The following FBXO10 variants were observed in gnomAD, a reference collection of about 807,000 sequenced individuals.
FBXO10 encodes F-box only protein 10.
FBXO10 carries 39 observed loss-of-function variants against 80.7 expected under a neutral mutation model. The observed-to-expected ratio is 0.48, with a 90% confidence interval of 0.37 to 0.63. The LOEUF (loss-of-function observed/expected upper bound fraction) is 0.63, where lower values mean the gene tolerates loss of function less well. FBXO10 is among the 30% of genes least tolerant of loss of function. The probability of loss-of-function intolerance (pLI) is 0.00; values close to 1 mark genes in which losing one functional copy is unlikely to be tolerated. For synonymous variants in FBXO10, 449 were observed against 489.6 expected (o/e 0.92, Z 1.09); for missense variants, 1,025 against 1,269.0 (o/e 0.81, Z 2.92).
At chr9:37,533,871 T>G (rs1480984801) in intron 3 of FBXO10, among the ~76,000 whole-genome samples, 1 of 110,992 alleles carries the variant, frequency 9.0e-6, no homozygotes, top group Non-Finnish European at 1.9e-5. Context: ...AGACTCCGTC[T>G]CAAAAAAAAA....
intron 1 of FBXO10, chr9:37,575,444 C>T (rs1044231783): frequency 6.6e-6 from 1 of 152,230 alleles, no homozygotes; most frequent in Non-Finnish European, 1.5e-5. Context: ...ACAGCATTAT[C>T]TACTGAGGCT....
At chr9:37,545,571 C>T (rs1337155416) in intron 1 of FBXO10, among the ~76,000 whole-genome samples, 1 of 152,196 alleles carries the variant, frequency 6.6e-6, no homozygotes, top group Non-Finnish European at 1.5e-5. Flanking sequence ...TCAACTACCA[C>T]TGGAAATGCA....
chr9:37,532,105 T>C lies in FBXO10; in HGVS notation c.1420-47A>G, dbSNP rs942292644. 5 of 1,568,070 alleles carry C rather than the reference T, an allele frequency of 3.2e-6. No homozygotes were observed. In the African/African-American group the frequency reaches 4.1e-5, roughly 13 times the overall value. ...ATTTATTTTCCTGTTACAAATATTT[T>C]TTTAGAAACCACTGGAGGAACACCT... On this transcript the variant is annotated intron_variant, in intron 3 of 10. Coordinates refer to ENST00000432825, the MANE Select transcript of FBXO10 (RefSeq NM_012166.3).
chr9:37,515,944 AT>A lies in FBXO10; in HGVS notation c.2655del (p.Glu885AspfsTer22). On this transcript the variant is annotated frameshift_variant, in exon 10 of 11. Transcript: ENST00000432825. LOFTEE classifies it high-confidence loss of function. ...AGGAACTTGTTGTTTTGCATGATGCATTCTCGGTTGTTTGAGATCTGCTGAA... is the reference window on the plus strand; with the variant it reads ...AGGAACTTGTTGTTTTGCATGATGCATCTCGGTTGTTTGAGATCTGCTGAA... ...TIFQQISNNR[E>X]CIMQNNKFLV... is the part of the protein sequence containing the mutation. 1 of 1,613,790 alleles carries A rather than the reference AT, an allele frequency of 6.2e-7. No homozygotes were observed. Among genetic ancestry groups the A allele is most frequent in the South Asian group, 1.1e-5 (1 of 91,042 alleles).
Position 37,532,020 on chromosome 9 carries a change from C to A in FBXO10, c.1458G>T (p.Ala486=), listed in dbSNP as rs779434997. The A allele has an allele frequency of 1.2e-6, 2 of 1,613,900 alleles. No individual in the cohort carries two copies. The highest frequency in any genetic ancestry group is 1.1e-5 in the South Asian group (1 of 91,070). ...CCTCCAAGCGAAGAAAGATGCCTGA[C>A]GCTCGGCAGCGGTAAATGTCGTTCC... is the stretch of plus-strand genomic sequence containing the variant. ...MLRNDIYRCR[A]SGIFLRLEGG... is the part of the protein sequence containing the mutation. The change falls in exon 4 of 11, where the codon GCG becomes GCT. Residue 486 remains alanine (A), a synonymous_variant. Transcript: ENST00000432825.
chr9:37,559,912 A>C (rs1382299753), intron 1 of FBXO10, among the ~76,000 whole-genome samples: 1 of 152,228 alleles, frequency 6.6e-6, no homozygotes, highest in Non-Finnish European at 1.5e-5. Flanking sequence ...GAACTTGCAG[A>C]TTGTTTGTTA....
chr9:37,548,093 C>G (rs566854761), intron 1 of FBXO10, among the ~76,000 whole-genome samples: 2 of 152,224 alleles, frequency 1.3e-5, no homozygotes, highest in South Asian at 4.2e-4. Context: ...ATCTAAAAAC[C>G]CTCACCAGAG....
chr9:37,553,012 T>TTGTGTGTGTGTG (rs74171513), intron 1 of FBXO10, among the ~76,000 whole-genome samples: 1 of 144,472 alleles, frequency 6.9e-6, no homozygotes, highest in East Asian at 2.1e-4. Context: ...CCAATTCAGG[T>TTGTGTGTGTGTG]TGTGTGTGTG....
At chr9:37,526,821 TTTTATTTATTTATTTATTTA>T (rs57803639) in intron 5 of FBXO10, among the ~76,000 whole-genome samples, 61 of 139,792 alleles carry the variant, frequency 4.4e-4, no homozygotes, top group African/African-American at 1.3e-3. Context: ...TTTTAAAATA[TTTTATTTATTTATTTATTTA>T]TTTATTTATT....
At chr9:37,534,717 C>T (rs1016341928) in intron 3 of FBXO10, among the ~76,000 whole-genome samples, 7 of 152,190 alleles carry the variant, frequency 4.6e-5, no homozygotes, top group Non-Finnish European at 1.0e-4. Context: ...CCTCCTGACG[C>T]AGGCTGGGGA....
chr9:37,550,161 C>T (rs7023107), intron 1 of FBXO10, among the ~76,000 whole-genome samples: 71,009 of 127,148 alleles, frequency 0.56, 19,127 homozygotes, highest in African/African-American at 0.65. Flanking sequence ...CTTTTTTTGT[C>T]GTCTCAGGTT....
chr9:37,566,861 T>A (rs1563891406), intron 1 of FBXO10, among the ~76,000 whole-genome samples: 1 of 152,218 alleles, frequency 6.6e-6, no homozygotes, highest in Non-Finnish European at 1.5e-5. Flanking sequence ...ATCTGTTTCT[T>A]ATTTTCAGCT....
intron 1 of FBXO10, among the ~76,000 whole-genome samples, chr9:37,542,815 T>A (rs1299646000): frequency 6.6e-6 from 1 of 152,188 alleles, no homozygotes; most frequent in Non-Finnish European, 1.5e-5. Flanking sequence ...GATATCCCAA[T>A]GGCCTTCTAC....
chr9:37,552,850 A>G (rs1206627249), intron 1 of FBXO10, among the ~76,000 whole-genome samples: 1 of 152,192 alleles, frequency 6.6e-6, no homozygotes, highest in African/African-American at 2.4e-5. Context: ...ATGTGTCTGC[A>G]CACTGCAGAA....
intron 1 of FBXO10, among the ~76,000 whole-genome samples, chr9:37,551,401 T>C (rs1014619824): frequency 1.3e-5 from 2 of 152,196 alleles, no homozygotes. Context: ...AATGCCCAAA[T>C]AGGGGCTCCC....
Position 37,537,224 on chromosome 9 carries a change from G to A in FBXO10, c.1305C>T (p.Cys435=), listed in dbSNP as rs1188088228. The A allele has an allele frequency of 1.2e-6, 2 of 1,613,946 alleles. No individual in the cohort carries two copies. The highest frequency in any genetic ancestry group is 2.2e-5 in the East Asian group (1 of 44,880). Residue 435 remains cysteine, a synonymous_variant, in exon 3 of 11, where the codon TGC becomes TGT. Transcript: ENST00000432825. ...CGCCTCCCTTCCCGTCCCGGAAGAG[G>A]CACTTGCGGATGAGGCAGCCCTGCA... ...NSVQGCLIRK[C]LFRDGKGGVF...
At chr9:37,528,701 T>C (rs1821539408) in intron 5 of FBXO10, among the ~76,000 whole-genome samples, 2 of 152,188 alleles carry the variant, frequency 1.3e-5, no homozygotes, top group Admixed American at 1.3e-4. Context: ...CACCTATCAC[T>C]TATATCAGTC....
intron 6 of FBXO10, among the ~76,000 whole-genome samples, chr9:37,523,513 A>G (rs935533005): frequency 6.6e-6 from 1 of 152,150 alleles, no homozygotes; most frequent in African/African-American, 2.4e-5. Context: ...TAATCGAGCC[A>G]CTGCACTCTG....
At chr9:37,563,889 A>G (rs142478144) in intron 1 of FBXO10, among the ~76,000 whole-genome samples, 2,211 of 152,384 alleles carry the variant, frequency 0.015, 62 homozygotes, top group African/African-American at 0.05. Context: ...TTCAAGCCCA[A>G]TGCAGAAATT....
Sources: allele counts gnomAD v4.1 joint callset (sites outside exome capture counted in the v4.1 genomes callset), GRCh38; gene constraint gnomAD v4.1.1; transcripts MANE v1.5; gene names NCBI Gene and HGNC (gene_info 2026-07-23, HGNC 2026-07-21).